SLC14A2: variants seen among roughly 807,000 people sequenced by gnomAD.
SLC14A2 encodes the protein solute carrier family 14 member 2.
In SLC14A2, 91 loss-of-function variants were observed where a neutral mutation model predicts 104.6. The observed-to-expected ratio is 0.87, with a 90% CI of 0.73 to 1.04. SLC14A2 has a LOEUF of 1.04. Ranked by LOEUF, SLC14A2 falls within the 50% of genes least tolerant of loss-of-function variation. SLC14A2 has a pLI of 0.00. For missense variants in SLC14A2, 1,189 were observed against 1,156.0 expected, an observed-to-expected ratio of 1.03 and a Z score of -0.41; for synonymous variants, 476 against 466.4, an observed-to-expected ratio of 1.02 and a Z score of -0.27.
intron 2 of SLC14A2, among the ~76,000 whole-genome samples, chr18:45,588,280 G>A (rs1309276678): frequency 3.9e-5 from 6 of 152,200 alleles, no homozygotes; most frequent in Non-Finnish European, 7.4e-5. Context: ...CAGTGAGTCA[G>A]GGGCACTGCT....
chr18:45,452,203 A>G (rs1015996482), intron 1 of SLC14A2, among the ~76,000 whole-genome samples: 14 of 152,226 alleles, frequency 9.2e-5, no homozygotes, highest in Admixed American at 3.9e-4. Context: ...TTGGACTCAG[A>G]GATGCCTGCA....
In SLC14A2 at chr18:45,626,932, G is replaced by A. The variant is rs755012023; in HGVS notation, c.332-26G>A. 7 of 1,594,528 alleles carry A rather than the reference G, an allele frequency of 4.4e-6. No individual in the cohort carries two copies. In the East Asian group the frequency reaches 1.3e-4, roughly 31 times the overall value. On this transcript the variant is annotated intron_variant, in intron 3 of 19. Transcript: ENST00000255226. The stretch of plus-strand genomic sequence containing the variant: ...CAGAGCAGCCCAAGCTGGACCTGCT[G>A]ATGGCTCGCTCTCTGTCTCTTTCAG...
intron 1 of SLC14A2, among the ~76,000 whole-genome samples, chr18:45,323,508 T>C (rs1461717407): frequency 1.3e-5 from 2 of 152,230 alleles, no homozygotes; most frequent in Admixed American, 6.5e-5. Flanking sequence ...AATCTGACCA[T>C]ATTTTTTTTC....
intron 2 of SLC14A2, chr18:45,483,433 A>C (rs992600098): frequency 6.6e-6 from 1 of 152,172 alleles, no homozygotes; most frequent in Admixed American, 6.5e-5. Flanking sequence ...GGTGATTACA[A>C]CCACACGGGA....
chr18:45,510,145 T>G (rs2043344322), intron 2 of SLC14A2, among the ~76,000 whole-genome samples: 1 of 152,162 alleles, frequency 6.6e-6, no homozygotes, highest in South Asian at 2.1e-4. Context: ...ATCTGTAAAA[T>G]TAGGGGCATG....
chr18:45,589,210 ATATT>A (rs1046241606), intron 2 of SLC14A2, among the ~76,000 whole-genome samples: 26 of 144,130 alleles, frequency 1.8e-4, no homozygotes, highest in African/African-American at 6.8e-4. Flanking sequence ...GTTGCCCTGG[ATATT>A]TATTTGTAGG....
At chr18:45,551,530 C>T (rs767343442) in intron 2 of SLC14A2, among the ~76,000 whole-genome samples, 4 of 152,132 alleles carry the variant, frequency 2.6e-5, no homozygotes, top group Non-Finnish European at 5.9e-5. Context: ...GGCCGGCCCT[C>T]GATGTCAGTC....
At chr18:45,360,023 C>A (rs1031541230) in intron 1 of SLC14A2, among the ~76,000 whole-genome samples, 5 of 152,272 alleles carry the variant, frequency 3.3e-5, no homozygotes, top group Non-Finnish European at 7.3e-5. Flanking sequence ...CCCTGCACTC[C>A]TGTCAGGAGA....
intron 1 of SLC14A2, among the ~76,000 whole-genome samples, chr18:45,398,715 C>T (rs1451130371): frequency 2.6e-5 from 4 of 152,118 alleles, no homozygotes; most frequent in Admixed American, 6.6e-5. Context: ...AGGATAAGTG[C>T]TATATGATTC....
intron 2 of SLC14A2, chr18:45,528,577 A>AACACACACACAC (rs60282529): frequency 1.4e-5 from 2 of 146,672 alleles, no homozygotes; most frequent in Admixed American, 1.4e-4. Context: ...CCCGAATTAA[A>AACACACACACAC]ACACACACAC....
At chr18:45,541,147 A>C (rs1357077320) in intron 2 of SLC14A2, among the ~76,000 whole-genome samples, 1 of 126,270 alleles carries the variant, frequency 7.9e-6, no homozygotes, top group Non-Finnish European at 1.9e-5. Context: ...TGTGCCCCTC[A>C]ACAACAGGAT....
At chr18:45,670,667 G>A (rs565168186) in intron 16 of SLC14A2, among the ~76,000 whole-genome samples, 2 of 152,238 alleles carry the variant, frequency 1.3e-5, no homozygotes, top group African/African-American at 4.8e-5. Flanking sequence ...TGGGGTTTCT[G>A]TTTTTGTTTC....
At chr18:45,531,628 C>T (rs1390534136) in intron 2 of SLC14A2, among the ~76,000 whole-genome samples, 1 of 152,036 alleles carries the variant, frequency 6.6e-6, no homozygotes, top group Non-Finnish European at 1.5e-5. Flanking sequence ...AGGTTGCAAA[C>T]ATTTTCTCCC....
intron 19 of SLC14A2, among the ~76,000 whole-genome samples, chr18:45,680,836 T>G (rs562586044): frequency 1.3e-5 from 2 of 152,236 alleles, no homozygotes; most frequent in African/African-American, 4.8e-5. Flanking sequence ...CTTTCCAATG[T>G]AGGACTCCAA....
At chr18:45,679,852 T>C (rs1365380115) in intron 19 of SLC14A2, among the ~76,000 whole-genome samples, 1 of 152,242 alleles carries the variant, frequency 6.6e-6, no homozygotes, top group Non-Finnish European at 1.5e-5. Context: ...CTGGGCTTCA[T>C]TGTATTTGTG....
chr18:45,543,960 T>G (rs2043928802), intron 2 of SLC14A2, among the ~76,000 whole-genome samples: 1 of 152,242 alleles, frequency 6.6e-6, no homozygotes, highest in Non-Finnish European at 1.5e-5. Flanking sequence ...TGCTGGGCAC[T>G]GAGTCTCTAA....
At chr18:45,564,556 C>A (rs1302685846) in intron 2 of SLC14A2, among the ~76,000 whole-genome samples, 1 of 152,170 alleles carries the variant, frequency 6.6e-6, no homozygotes, top group Non-Finnish European at 1.5e-5. Context: ...CCAAACACAG[C>A]CCCAGCTCAA....
chr18:45,632,031 T>C (rs2045352518), intron 4 of SLC14A2, among the ~76,000 whole-genome samples: 1 of 152,204 alleles, frequency 6.6e-6, no homozygotes, highest in African/African-American at 2.4e-5. Context: ...GTTTCTATTA[T>C]ATTCCCTCTA....
chr18:45,228,318 G>T (rs1178505718), intron 1 of SLC14A2, among the ~76,000 whole-genome samples: 1 of 152,206 alleles, frequency 6.6e-6, no homozygotes, highest in Non-Finnish European at 1.5e-5. Flanking sequence ...ATAATGGTCA[G>T]AAACTTTTCT....
Sources: allele counts gnomAD v4.1 joint callset (sites outside exome capture counted in the v4.1 genomes callset), GRCh38; gene constraint gnomAD v4.1.1; transcripts MANE v1.5; gene names NCBI Gene and HGNC (gene_info 2026-07-23, HGNC 2026-07-21).